Variants in CDH17 observed in about 807,000 individuals in gnomAD.
CDH17 encodes cadherin 17, also known as cadherin-17.
Under a neutral mutation model 86.3 loss-of-function variants are expected in CDH17, and 67 were observed. The observed-to-expected ratio is 0.78, with a 90% CI of 0.64 to 0.95. The LOEUF (loss-of-function observed/expected upper bound fraction) is 0.95. CDH17 is among the 40% of genes least tolerant of loss of function. CDH17 has a pLI of 0.00. For missense variants in CDH17, 993 were observed against 1,017.6 expected, an observed-to-expected ratio of 0.98 and a Z score of 0.33; for synonymous variants, 367 against 366.4, an observed-to-expected ratio of 1.00 and a Z score of -0.02.
chr8:94,143,539 C>T (rs1191025827), intron 15 of CDH17, among the ~76,000 whole-genome samples: 1 of 152,214 alleles, frequency 6.6e-6, no homozygotes, highest in East Asian at 1.9e-4. Flanking sequence ...GCATTTACTT[C>T]TCTAGCTATG....
intron 12 of CDH17, among the ~76,000 whole-genome samples, chr8:94,159,708 C>T (rs1409869591): frequency 6.6e-6 from 1 of 152,116 alleles, no homozygotes; most frequent in Non-Finnish European, 1.5e-5. Context: ...AATTGTTCAT[C>T]CTGCATTTTA....
intron 10 of CDH17, among the ~76,000 whole-genome samples, chr8:94,163,047 T>G (rs1813085949): frequency 6.6e-6 from 1 of 152,238 alleles, no homozygotes; most frequent in African/African-American, 2.4e-5. Flanking sequence ...CTGTAAACTG[T>G]GAATAACAGA....
Position 94,171,427 on chromosome 8 carries a change from A to C in CDH17, c.784-442T>G, listed in dbSNP as rs76956632. Among the ~76,000 whole-genome samples the C allele has an allele frequency of 1.4e-4, 21 of 152,332 alleles. No homozygotes were observed. The East Asian group carries it at 3.7e-3, about 27-fold the overall frequency. On this transcript the variant is annotated intron_variant, in intron 7 of 17. Coordinates refer to ENST00000027335, the MANE Select transcript of CDH17 (RefSeq NM_004063.4). ...TAGGGGCCACTCTGAAGTCTTCTCC[A>C]TGCCATTAAGTAAGACAAATGATAC...
At chr8:94,136,849 CT>C (rs1216051802) in intron 15 of CDH17, among the ~76,000 whole-genome samples, 1 of 152,164 alleles carries the variant, frequency 6.6e-6, no homozygotes, top group South Asian at 2.1e-4. Context: ...CTATTCCTTT[CT>C]GTTTGTTAGT....
intron 1 of CDH17, among the ~76,000 whole-genome samples, chr8:94,208,189 A>C (rs555801762): frequency 6.6e-6 from 1 of 152,322 alleles, no homozygotes; most frequent in South Asian, 2.1e-4. Flanking sequence ...ACTTGTTTAA[A>C]CATCAGAGAA....
chr8:94,212,134 C>G (rs1470077074), upstream of CDH17, among the ~76,000 whole-genome samples: 1 of 152,214 alleles, frequency 6.6e-6, no homozygotes, highest in Admixed American at 6.5e-5. Flanking sequence ...TTAAGCAAAA[C>G]AGGTCTTACT....
At chr8:94,176,474 C>A in intron 5 of CDH17, 67 bp downstream of exon 5, 1 of 1,552,610 alleles carries the variant, frequency 6.4e-7, no homozygotes, top group African/African-American at 1.4e-5. Flanking sequence ...ATTAGCCACA[C>A]AAGTCTGCCC....
chr8:94,134,694 T>C lies in CDH17; in HGVS notation c.2168-3702A>G, dbSNP rs971491384. Among the ~76,000 whole-genome samples the C allele has an allele frequency of 2.0e-5, 3 of 152,296 alleles. No individual in the cohort carries two copies. In the East Asian group the frequency reaches 5.8e-4, roughly 29 times the overall value. ...TTCTGATCTTAGTTATTTCCTGCCTTCTGCTAGCTTTTGAATGTGTTTGCT... is the reference window on the plus strand; with the variant it reads ...TTCTGATCTTAGTTATTTCCTGCCTCCTGCTAGCTTTTGAATGTGTTTGCT... On this transcript the variant is annotated intron_variant, in intron 15 of 17. Transcript: ENST00000027335.
intron 3 of CDH17, among the ~76,000 whole-genome samples, chr8:94,183,947 C>T (rs1813529902): frequency 6.6e-6 from 1 of 151,452 alleles, no homozygotes; most frequent in Admixed American, 6.6e-5. Context: ...TAGTCAATTG[C>T]CCCATGAAAA....
At chr8:94,151,627 C>T (rs962150077) in intron 13 of CDH17, among the ~76,000 whole-genome samples, 1 of 152,358 alleles carries the variant, frequency 6.6e-6, no homozygotes, top group Non-Finnish European at 1.5e-5. Context: ...ACCTGAAGCT[C>T]ATGGGCTGGA....
intron 1 of CDH17, among the ~76,000 whole-genome samples, chr8:94,214,119 T>G (rs183887648): frequency 4.7e-4 from 71 of 152,298 alleles, no homozygotes; most frequent in Admixed American, 4.6e-3. Flanking sequence ...ACAGCCATAG[T>G]GAACTGTACT....
At chr8:94,202,941 CT>C in intron 1 of CDH17, 1 of 328,010 alleles carries the variant, frequency 3.0e-6, no homozygotes, top group South Asian at 2.7e-5. Flanking sequence ...GCTTCCCCTT[CT>C]TGGGCTTTTT....
chr8:94,177,807 A>T (rs1017732443), intron 3 of CDH17, 86 bp from the exon 4 acceptor site: 4 of 1,335,734 alleles, frequency 3.0e-6, no homozygotes, highest in African/African-American at 2.9e-5. Context: ...TTCAGGTAAA[A>T]TTTTCATTGG....
intron 3 of CDH17, among the ~76,000 whole-genome samples, chr8:94,186,039 C>A (rs189409034): frequency 6.6e-6 from 1 of 152,110 alleles, no homozygotes; most frequent in Admixed American, 6.5e-5. Flanking sequence ...ACTCAGCTAG[C>A]CCCTAAGAGC....
intron 5 of CDH17, among the ~76,000 whole-genome samples, chr8:94,174,804 T>A (rs1335458410): frequency 6.6e-6 from 1 of 152,234 alleles, no homozygotes; most frequent in Non-Finnish European, 1.5e-5. Context: ...CCAAGCGTTT[T>A]CTATTAATCC....
chr8:94,168,537 G>A (rs1415351008), intron 9 of CDH17, among the ~76,000 whole-genome samples: 1 of 152,046 alleles, frequency 6.6e-6, no homozygotes, highest in Non-Finnish European at 1.5e-5. Context: ...CAAGGCAGGA[G>A]CATTGTCTTG....
At chr8:94,174,061 T>C in intron 6 of CDH17, 41 bp downstream of exon 6, 1 of 1,611,162 alleles carries the variant, frequency 6.2e-7, no homozygotes, top group Non-Finnish European at 8.5e-7. Flanking sequence ...AACTCCCTTT[T>C]TCTGATCGAG....
chr8:94,158,663 G>C (rs1295877093), intron 12 of CDH17, among the ~76,000 whole-genome samples: 1 of 152,130 alleles, frequency 6.6e-6, no homozygotes, highest in African/African-American at 2.4e-5. Context: ...AGCACAAGGG[G>C]AGGTTGTCAT....
In CDH17 at chr8:94,194,629, T is replaced by G. The variant is rs952745522; in HGVS notation, c.51+6A>C. ...ACAAATAGAGAAGAACACCCTCTTC[T>G]CTTACCAAATAAAGCATAAGAAGAC... On this transcript the variant is annotated splice_donor_region_variant and intron_variant, in intron 2 of 17. Transcript: ENST00000027335. 6.3e-7 allele frequency: 1 copy of G among 1,588,480 alleles called. No homozygotes were observed. The highest frequency in any genetic ancestry group is 1.3e-5 in the African/African-American group (1 of 74,234).
Sources: gnomAD v4.1 joint callset for allele counts (sites outside exome capture counted in the v4.1 genomes callset) on GRCh38, gnomAD v4.1.1 for gene constraint, MANE v1.5 for transcripts, NCBI Gene and HGNC (gene_info 2026-07-23, HGNC 2026-07-21) for gene names.